DCAF6: variants seen among roughly 807,000 people sequenced by gnomAD.
DCAF6 encodes DDB1 and CUL4 associated factor 6.
Under a neutral mutation model 125.1 loss-of-function variants are expected in DCAF6, and 54 were observed. The observed-to-expected ratio is 0.43, with a 90% CI of 0.35 to 0.54. DCAF6 has a LOEUF of 0.54. DCAF6 is among the 20% of genes least tolerant of loss of function. The probability of loss-of-function intolerance (pLI) is 0.01; values close to 1 mark genes in which losing one functional copy is unlikely to be tolerated. For missense variants in DCAF6, 934 were observed against 1,161.7 expected (o/e 0.80, Z 2.85); for synonymous variants, 371 against 390.4 (o/e 0.95, Z 0.58).
intron 18 of DCAF6, among the ~76,000 whole-genome samples, 154 bp from the exon 19 acceptor site, chr1:168,065,436 C>T (rs896865388): frequency 2.0e-5 from 3 of 152,224 alleles, no homozygotes; most frequent in Admixed American, 6.5e-5. Context: ...GTGTGAGCCA[C>T]TGCGCCCAGC....
chr1:167,918,087 T>G, the DCAF6 span: 3 of 413,584 alleles, frequency 7.3e-6, no homozygotes, highest in Non-Finnish European at 1.3e-5. Context: ...GCAAGTATGG[T>G]TTATTACGGA....
the DCAF6 span, chr1:167,918,067 G>T: frequency 2.9e-6 from 1 of 343,828 alleles, no homozygotes; most frequent in East Asian, 4.9e-5. Flanking sequence ...GAGGCAGGGG[G>T]TATATACGAG....
rs551265611 is a variant in DCAF6, at chr1:168,015,770, A to G, written c.1379-11A>G. 19 of 1,450,118 alleles carry G rather than the reference A, an allele frequency of 1.3e-5. No individual in the cohort carries two copies. The highest frequency in any genetic ancestry group is 1.5e-5 in the Non-Finnish European group (16 of 1,095,020). 89.8% of individuals were successfully genotyped at this position (1,450,118 alleles called of 1,614,324 possible). A position where few individuals can be genotyped will look rare whatever the true frequency, so the allele number is the denominator to read the frequency against. On this transcript the variant is annotated splice_polypyrimidine_tract_variant and intron_variant, in intron 10 of 21. Transcript: ENST00000367840. The stretch of plus-strand genomic sequence containing the variant: ...ACTGTCTTTTCACCTTTCTTTTCCT[A>G]TTTGTGTCAGAATTTTTAAGGGGCC...
chr1:168,039,951 G>A (rs1424207172), intron 13 of DCAF6, among the ~76,000 whole-genome samples: 1 of 151,804 alleles, frequency 6.6e-6, no homozygotes, highest in Non-Finnish European at 1.5e-5. Flanking sequence ...AAATACATCA[G>A]TGAAATAAAG....
intron 8 of DCAF6, among the ~76,000 whole-genome samples, chr1:168,002,830 G>A (rs1022313175): frequency 6.6e-6 from 1 of 152,132 alleles, no homozygotes; most frequent in African/African-American, 2.4e-5. Context: ...CCCACTGAAA[G>A]TATAAGAATG....
At chr1:168,022,669 T>G (rs578157559) in intron 11 of DCAF6, among the ~76,000 whole-genome samples, 1 of 146,110 alleles carries the variant, frequency 6.8e-6, no homozygotes, top group African/African-American at 2.8e-5. Context: ...CAAGGAGTCT[T>G]GTGTAGTGAA....
At chr1:168,063,560 C>A (rs760503615) in intron 17 of DCAF6, 61 bp from the exon 18 acceptor site, 2 of 1,317,888 alleles carry the variant, frequency 1.5e-6, no homozygotes, top group Non-Finnish European at 2.0e-6. Flanking sequence ...TCATAAGTTT[C>A]TCATTATTCT....
At position 167,937,018 on chromosome 1, in the gene DCAF6, G is replaced by A. The variant is rs1571538134; in HGVS notation, c.97+10G>A. The A allele has an allele frequency of 2.5e-6, 4 of 1,603,168 alleles. No homozygotes were observed. The highest frequency in any genetic ancestry group is 3.4e-6 in the Non-Finnish European group (4 of 1,175,518). ...CGGAGTCGCTACCTGGGTGAGCGGGGGCCCCGGGGCGGAGGCGCTGAGGTC... is the reference window on the plus strand; with the variant it reads ...CGGAGTCGCTACCTGGGTGAGCGGGAGCCCCGGGGCGGAGGCGCTGAGGTC... On this transcript the variant is annotated intron_variant, in intron 1 of 21. Transcript: ENST00000367840.
chr1:167,984,470 A>G (rs1679655302), intron 4 of DCAF6, among the ~76,000 whole-genome samples: 1 of 152,232 alleles, frequency 6.6e-6, no homozygotes, highest in African/African-American at 2.4e-5. Context: ...TTTTAAAAAT[A>G]AATATCCTTG....
At chr1:168,047,468 A>G (rs1467746058) in intron 16 of DCAF6, among the ~76,000 whole-genome samples, 1 of 152,124 alleles carries the variant, frequency 6.6e-6, no homozygotes, top group Non-Finnish European at 1.5e-5. Context: ...CTTTTTAAAA[A>G]TTAAATATTA....
intron 13 of DCAF6, among the ~76,000 whole-genome samples, chr1:168,039,930 C>G (rs1688313952): frequency 6.6e-6 from 1 of 151,622 alleles, no homozygotes; most frequent in South Asian, 2.1e-4. Flanking sequence ...GGGGACTATT[C>G]TAGACATTGG....
In DCAF6 at chr1:167,991,331, G is replaced by C; in HGVS notation, c.680G>C (p.Arg227Thr). 6.2e-7 allele frequency: 1 copy of C among 1,610,734 alleles called. No homozygotes were observed. The highest frequency in any genetic ancestry group is 8.5e-7 in the Non-Finnish European group (1 of 1,178,432). Residue 227 changes from arginine (R) to threonine (T), a missense_variant, in exon 6 of 22, where the codon AGA (arginine) becomes ACA (threonine). Arg to Thr is a moderately conservative substitution (Grantham distance 71). This residue lies in a region of DCAF6 where 309 missense variants were observed against 381.2 expected (regional missense o/e 0.81). Transcript: ENST00000367840. ...RIYDRRMLGT[R>T]ATGNYAGRGT... ...TATGATCGGCGAATGCTGGGCACAAGAGCTACAGGTAAGAAGATAATATTA... is the reference window on the plus strand; with the variant it reads ...TATGATCGGCGAATGCTGGGCACAACAGCTACAGGTAAGAAGATAATATTA...
At chr1:168,032,306 A>G (rs1047775778) in intron 12 of DCAF6, among the ~76,000 whole-genome samples, 3 of 152,250 alleles carry the variant, frequency 2.0e-5, no homozygotes, top group Admixed American at 1.3e-4. Context: ...TCTGTAGGGT[A>G]GATAGATCTT....
At chr1:167,901,646 C>A in the DCAF6 span, 2 of 1,613,638 alleles carry the variant, frequency 1.2e-6, no homozygotes, top group Non-Finnish European at 1.7e-6. Flanking sequence ...GGATTTATTC[C>A]TTCTCAAATG....
the DCAF6 span, among the ~76,000 whole-genome samples, chr1:167,897,357 T>C: frequency 1.4e-5 from 2 of 147,502 alleles, no homozygotes; most frequent in African/African-American, 2.5e-5. Context: ...ATTAGCCAGG[T>C]GTAGTGGCAC....
chr1:167,989,595 C>G lies in DCAF6; in HGVS notation c.553-1609C>G, dbSNP rs142369065. Among the ~76,000 whole-genome samples, 313 of 152,136 alleles carry G rather than the reference C, an allele frequency of 2.1e-3. 1 individual carries two copies. Among genetic ancestry groups the G allele is most frequent in the African/African-American group, 7.1e-3 (294 of 41,506 alleles). ...AGGTTAAATTGACTTAAAAACATTA[C>G]TGAGGGGCCGGGCGCGGTGGCTCAC... On this transcript the variant is annotated intron_variant, in intron 5 of 21. Coordinates refer to ENST00000367840, the MANE Select transcript of DCAF6 (RefSeq NM_001198956.2).
the DCAF6 span, chr1:167,903,859 C>A: frequency 6.6e-7 from 1 of 1,524,190 alleles, no homozygotes; most frequent in South Asian, 1.1e-5. Flanking sequence ...GAAATATTCT[C>A]AAGCCAGAAA....
intron 3 of DCAF6, among the ~76,000 whole-genome samples, chr1:167,968,074 A>G (rs1251511243): frequency 6.6e-6 from 1 of 152,112 alleles, no homozygotes; most frequent in Non-Finnish European, 1.5e-5. Context: ...TATTATTTTA[A>G]TAGTAATTCC....
At chr1:167,939,004 T>C (rs1571555889) in intron 1 of DCAF6, among the ~76,000 whole-genome samples, 1 of 152,228 alleles carries the variant, frequency 6.6e-6, no homozygotes, top group East Asian at 1.9e-4. Flanking sequence ...TATGATAATA[T>C]ATACTCTTAA....
Sources: gnomAD v4.1 joint callset for allele counts (sites outside exome capture counted in the v4.1 genomes callset) on GRCh38, gnomAD v4.1.1 for gene constraint, gnomAD v4.1.1 regional missense constraint, MANE v1.5 for transcripts, NCBI Gene and HGNC (gene_info 2026-07-23, HGNC 2026-07-21) for gene names.